ARHGAP21: variants seen among roughly 807,000 people sequenced by gnomAD.
ARHGAP21 encodes rho GTPase-activating protein 21.
In ARHGAP21, 38 loss-of-function variants were observed where a neutral mutation model predicts 164.6. That is an observed-to-expected ratio of 0.23 (90% CI 0.18 to 0.30). The LOEUF (loss-of-function observed/expected upper bound fraction) is 0.30, where lower values mean the gene tolerates loss of function less well. Among genes scored for constraint, ARHGAP21 ranks in the 10% least tolerant of loss-of-function variants. The pLI, the probability that ARHGAP21 is intolerant of heterozygous loss-of-function variation, is 1.00. For synonymous variants in ARHGAP21, 766 were observed against 857.9 expected, an observed-to-expected ratio of 0.89 and a Z score of 1.87; for missense variants, 1,822 against 2,370.7, an observed-to-expected ratio of 0.77 and a Z score of 4.81.
At chr10:24,623,801 G>C (rs531027877) in intron 7 of ARHGAP21, among the ~76,000 whole-genome samples, 1 of 152,156 alleles carries the variant, frequency 6.6e-6, no homozygotes. Flanking sequence ...TGTGAAATTC[G>C]AAAGGAAAAT....
In ARHGAP21 at chr10:24,633,883, C is replaced by CTTTTTT. The variant is rs3073324; in HGVS notation, c.362-409_362-404dup. ...CTCCACGTACCCTGTCTTTTTTTCT[C>CTTTTTT]TTTTTTTTTTTTTTTTTTTTTTTTT... On this transcript the variant is annotated intron_variant, in intron 5 of 25. Transcript: ENST00000396432. Among the ~76,000 whole-genome samples the CTTTTTT allele has an allele frequency of 6.0e-4, 45 of 75,494 alleles. 3 individuals carry two copies. The highest frequency in any genetic ancestry group is 8.6e-4 in the Non-Finnish European group (35 of 40,874). The allele number at this position is 75,494 out of a possible 152,430, so 49.5% of individuals were successfully genotyped here. A position where few individuals can be genotyped will look rare whatever the true frequency, so the allele number is the denominator to read the frequency against.
At chr10:24,613,137 T>G (rs2077340726) in intron 9 of ARHGAP21, among the ~76,000 whole-genome samples, 1 of 152,018 alleles carries the variant, frequency 6.6e-6, no homozygotes, top group Non-Finnish European at 1.5e-5. Context: ...TTAATACCAA[T>G]TACTGAACAT....
At chr10:24,700,335 G>A (rs1008877631) in intron 2 of ARHGAP21, among the ~76,000 whole-genome samples, 1 of 152,158 alleles carries the variant, frequency 6.6e-6, no homozygotes. Context: ...CCGCAAGCAC[G>A]TGCAGAGAGA....
chr10:24,673,316 T>C (rs1242383783), intron 2 of ARHGAP21, among the ~76,000 whole-genome samples: 4 of 152,202 alleles, frequency 2.6e-5, no homozygotes, highest in Non-Finnish European at 4.4e-5. Context: ...CAGTACAGTA[T>C]TGGCATCAAG....
In ARHGAP21 at chr10:24,615,497, G is replaced by A. The variant is rs372216672; in HGVS notation, c.2422+3976C>T. Among the ~76,000 whole-genome samples, 42 of 152,282 alleles carry A rather than the reference G, an allele frequency of 2.8e-4. No homozygotes were observed. The South Asian group carries it at 7.9e-3, about 29-fold the overall frequency. ...CTAATAATAGTCGGCATAAAACTTAGAATGATTTTTCAAGCTAAGATTTAA... is the reference window on the plus strand; with the variant it reads ...CTAATAATAGTCGGCATAAAACTTAAAATGATTTTTCAAGCTAAGATTTAA... On this transcript the variant is annotated intron_variant, in intron 9 of 25. Coordinates refer to ENST00000396432, the MANE Select transcript of ARHGAP21 (RefSeq NM_020824.4).
At chr10:24,610,522 C>G (rs930505618) in intron 9 of ARHGAP21, among the ~76,000 whole-genome samples, 6 of 151,906 alleles carry the variant, frequency 3.9e-5, no homozygotes, top group Admixed American at 3.3e-4. Flanking sequence ...AAAATACAGG[C>G]CTATATATCC....
intron 5 of ARHGAP21, among the ~76,000 whole-genome samples, chr10:24,634,130 G>A (rs1836139255): frequency 6.6e-6 from 1 of 151,742 alleles, no homozygotes; most frequent in Non-Finnish European, 1.5e-5. Flanking sequence ...TCCCAATCAT[G>A]TGGGGCTTAA....
intron 4 of ARHGAP21, among the ~76,000 whole-genome samples, chr10:24,664,470 C>G (rs904046256): frequency 1.3e-5 from 2 of 151,396 alleles, no homozygotes; most frequent in African/African-American, 4.9e-5. Context: ...GCAGGAGAAT[C>G]GCTTGAACCC....
intron 2 of ARHGAP21, among the ~76,000 whole-genome samples, chr10:24,704,315 G>A (rs551429616): frequency 1.5e-5 from 2 of 136,116 alleles, no homozygotes; most frequent in Admixed American, 1.5e-4. Context: ...TTTTGAGACA[G>A]GGTCTCACTC....
intron 4 of ARHGAP21, among the ~76,000 whole-genome samples, chr10:24,662,987 A>G (rs1247768165): frequency 6.6e-6 from 1 of 151,826 alleles, no homozygotes; most frequent in Non-Finnish European, 1.5e-5. Flanking sequence ...TTCAGTAAAA[A>G]TATGGTATTC....
At chr10:24,690,982 T>C (rs939571832) in intron 2 of ARHGAP21, among the ~76,000 whole-genome samples, 6 of 152,046 alleles carry the variant, frequency 3.9e-5, no homozygotes, top group Non-Finnish European at 7.4e-5. Context: ...CATGGTGTCA[T>C]TGGTGTTCAG....
intron 1 of ARHGAP21, among the ~76,000 whole-genome samples, chr10:24,722,997 A>T (rs980690218): frequency 6.6e-6 from 1 of 151,798 alleles, no homozygotes; most frequent in Non-Finnish European, 1.5e-5. Context: ...ACCTAGGGGG[A>T]AAAAACGAGA....
chr10:24,669,823 T>G (rs1045556304), intron 3 of ARHGAP21, among the ~76,000 whole-genome samples: 5 of 152,232 alleles, frequency 3.3e-5, no homozygotes, highest in Admixed American at 2.6e-4. Context: ...AAGTTAAGTA[T>G]TGTTCTAATT....
At chr10:24,600,970 G>A (rs762987143) in intron 13 of ARHGAP21, 40 bp from the exon 14 acceptor site, 3 of 1,588,554 alleles carry the variant, frequency 1.9e-6, no homozygotes, top group African/African-American at 1.3e-5. Flanking sequence ...TCAATATTTG[G>A]CTAAATCTTT....
At position 24,690,837 on chromosome 10, in the gene ARHGAP21, A is replaced by AT. The variant is rs1555011110; in HGVS notation, c.64-20441_64-20440insA. ...AGGGAGACTCCATCTCAAAAAAAAA[A>AT]ATATATATATATATATACACATATA... On this transcript the variant is annotated intron_variant, in intron 2 of 25. Coordinates refer to ENST00000396432, the MANE Select transcript of ARHGAP21 (RefSeq NM_020824.4). Among the ~76,000 whole-genome samples, 288 of 147,158 alleles carry AT rather than the reference A, an allele frequency of 2.0e-3. 1 individual carries two copies. The highest frequency in any genetic ancestry group is 9.3e-3 in the East Asian group (44 of 4,750).
In ARHGAP21 at chr10:24,626,637, T is replaced by C. The variant is rs113160996; in HGVS notation, c.495+3359A>G. On this transcript the variant is annotated intron_variant, in intron 7 of 25. Coordinates refer to ENST00000396432, the MANE Select transcript of ARHGAP21 (RefSeq NM_020824.4). ...AGGTATTTTGTTACAGCAGCCCAAA[T>C]AGACTAAGAGAGTCAGCATCATTGT... Among the ~76,000 whole-genome samples, 3 of 152,292 alleles carry C rather than the reference T, an allele frequency of 2.0e-5. No individual in the cohort carries two copies. In the East Asian group the frequency reaches 5.8e-4, roughly 29 times the overall value.
chr10:24,660,511 T>A (rs558680049), intron 4 of ARHGAP21, among the ~76,000 whole-genome samples: 12 of 151,252 alleles, frequency 7.9e-5, no homozygotes, highest in Non-Finnish European at 1.6e-4. Context: ...ATGCTTCTGA[T>A]ACCCCACCCA....
chr10:24,604,598 C>CT (rs556060812), intron 11 of ARHGAP21, among the ~76,000 whole-genome samples: 6 of 151,776 alleles, frequency 4.0e-5, no homozygotes, highest in Non-Finnish European at 5.9e-5. Flanking sequence ...GTGGGATTTT[C>CT]TTTTTTTTAT....
chr10:24,660,545 T>G (rs1839578353), intron 4 of ARHGAP21, among the ~76,000 whole-genome samples: 1 of 152,150 alleles, frequency 6.6e-6, no homozygotes, highest in Admixed American at 6.6e-5. Flanking sequence ...TGGACCATGC[T>G]TGAAAAGTCT....
Sources: gnomAD v4.1 joint callset for allele counts (sites outside exome capture counted in the v4.1 genomes callset) on GRCh38, gnomAD v4.1.1 for gene constraint, MANE v1.5 for transcripts, NCBI Gene and HGNC (gene_info 2026-07-23, HGNC 2026-07-21) for gene names.